Variants in ZNF26 observed in about 807,000 individuals in gnomAD.
The protein encoded by ZNF26 is zinc finger protein 26.
In ZNF26, 32 loss-of-function variants were observed where a neutral mutation model predicts 54.9. The observed-to-expected ratio is 0.58, with a 90% confidence interval of 0.44 to 0.78. The LOEUF is 0.78. ZNF26 is among the 30% of genes least tolerant of loss of function. ZNF26 has a pLI of 0.00. For synonymous variants in ZNF26, 221 were observed against 209.2 expected, an observed-to-expected ratio of 1.06 and a Z score of -0.49; for missense variants, 524 against 634.0, an observed-to-expected ratio of 0.83 and a Z score of 1.86.
chr12:133,007,156 C>T lies in ZNF26; in HGVS notation c.148C>T (p.Leu50=). 6.2e-7 allele frequency: 1 copy of T among 1,614,082 alleles called. No individual in the cohort carries two copies. The change falls in exon 2 of 4, where the codon CTG becomes TTG. Residue 50 remains leucine (L), a synonymous_variant. Coordinates refer to ENST00000328654, the MANE Select transcript of ZNF26 (RefSeq NM_019591.4). ...RDVILENYHN[L]ISVGYHGTKP... is the part of the protein sequence containing the mutation. ...TGTGATATTGGAAAACTATCATAAC[C>T]TGATATCAGTGGGTAAGTACTGCGT...
chr12:133,004,108 A>G (rs1953276200), intron 1 of ZNF26, among the ~76,000 whole-genome samples: 4 of 152,206 alleles, frequency 2.6e-5, no homozygotes, highest in Admixed American at 2.6e-4. Context: ...TGTTTCTTCT[A>G]ACATGAATGT....
At chr12:133,007,406 G>A in intron 2 of ZNF26, 31 bp from the exon 3 acceptor site, 2 of 1,579,240 alleles carry the variant, frequency 1.3e-6, no homozygotes, top group Non-Finnish European at 1.7e-6. Flanking sequence ...TAACAGCCTG[G>A]TCCCCACCCT....
Position 133,001,525 on chromosome 12 carries a change from G to A in ZNF26, c.34-5517G>A, listed in dbSNP as rs1953218577. The stretch of plus-strand genomic sequence containing the variant: ...GGGGCTTGGTTGGAGCCTCTGACAG[G>A]GCTCTGCCCTGCAGTTCCATGGTGT... On this transcript the variant is annotated intron_variant, in intron 1 of 3. Transcript: ENST00000328654. The surrounding 1 kb of genome is among the most constrained non-coding windows in gnomAD (Gnocchi z 4.7). 5.7e-6 allele frequency: 3 copies of A among 525,394 alleles called. No homozygotes were observed. Among genetic ancestry groups the A allele is most frequent in the Non-Finnish European group, 9.3e-6 (3 of 323,762 alleles). The allele number at this position is 525,394 out of a possible 1,614,324, so 32.5% of individuals were successfully genotyped here. A position where few individuals can be genotyped will look rare whatever the true frequency, so the allele number is the denominator to read the frequency against.
rs2137238902 is a variant in ZNF26, at chr12:133,001,696, G to A, written c.34-5346G>A. The A allele has an allele frequency of 4.7e-6, 6 of 1,289,150 alleles. No individual in the cohort carries two copies. The East Asian group carries it at 3.3e-4, about 72-fold the overall frequency. 79.9% of individuals were successfully genotyped at this position (1,289,150 alleles called of 1,614,324 possible). On this transcript the variant is annotated intron_variant, in intron 1 of 3. Transcript: ENST00000328654. The surrounding 1 kb of genome is among the most constrained non-coding windows in gnomAD (Gnocchi z 4.7). ...TGTCAAGTTCGGGAATCTTCTGGGT[G>A]TTCCTTGGGCCCAGGGAAACAGTGC...
rs996328268 is a variant in ZNF26 at position 133,013,129 on chromosome 12, T to G, written c.*1648T>G. ...GAAACACTGAAGAATTATAGCATTA[T>G]AAGAATTTTAAATTTATGAGAAAAT... On this transcript the variant is annotated 3_prime_UTR_variant, in exon 4 of 4. Coordinates refer to ENST00000328654, the MANE Select transcript of ZNF26 (RefSeq NM_019591.4). 1.3e-5 allele frequency: 2 copies of G among 152,218 alleles called. No homozygotes were observed. Among genetic ancestry groups the G allele is most frequent in the Non-Finnish European group, 2.9e-5 (2 of 68,036 alleles). 9.4% of individuals were successfully genotyped at this position (152,218 alleles called of 1,614,324 possible). A position where few individuals can be genotyped will look rare whatever the true frequency, so the allele number is the denominator to read the frequency against.
At chr12:132,987,656 G>A in intron 1 of ZNF26, 1 of 977,334 alleles carries the variant, frequency 1.0e-6, no homozygotes, top group Non-Finnish European at 1.2e-6. Flanking sequence ...TCCAATGCCT[G>A]TATTTCAGCC....
chr12:133,015,889 T>C lies in ZNF26; in HGVS notation c.*4408T>C, dbSNP rs1953559378. On this transcript the variant is annotated 3_prime_UTR_variant, in exon 4 of 4. Transcript: ENST00000328654. ...AAGCAGACGTTTATTTAGAAATTCA[T>C]GCTGCATGTTTATTGATGGAATGTT... 6.6e-6 allele frequency: 1 copy of C among 152,168 alleles called. No homozygotes were observed. The highest frequency in any genetic ancestry group is 1.5e-5 in the Non-Finnish European group (1 of 68,024). 9.4% of individuals were successfully genotyped at this position (152,168 alleles called of 1,614,324 possible).
rs1953714160 is a variant in ZNF26 at position 133,027,018 on chromosome 12, C to T, written c.*15537C>T. 6.6e-6 allele frequency: 1 copy of T among 151,988 alleles called. No individual in the cohort carries two copies. Among genetic ancestry groups the T allele is most frequent in the Admixed American group, 6.6e-5 (1 of 15,254 alleles). 9.4% of individuals were successfully genotyped at this position (151,988 alleles called of 1,614,324 possible). A position where few individuals can be genotyped will look rare whatever the true frequency, so the allele number is the denominator to read the frequency against. ...TTAAGAAACTCAGAATAAAATGCAA[C>T]ACCTTTTTACGATTATAAACCCCTC... On this transcript the variant is annotated 3_prime_UTR_variant, in exon 4 of 4. Coordinates refer to ENST00000328654, the MANE Select transcript of ZNF26 (RefSeq NM_019591.4).
In ZNF26 at chr12:133,017,384, G is replaced by C. The variant is rs1217522526; in HGVS notation, c.*5903G>C. The stretch of plus-strand genomic sequence containing the variant: ...GTGACAGAGCATTGGATGACCTGCT[G>C]AAGGTGGTTTGAAGTACCAGCTTAG... On this transcript the variant is annotated 3_prime_UTR_variant, in exon 4 of 4. Transcript: ENST00000328654. 1.3e-5 allele frequency: 2 copies of C among 152,200 alleles called. No homozygotes were observed. Among genetic ancestry groups the C allele is most frequent in the African/African-American group, 4.8e-5 (2 of 41,428 alleles). 9.4% of individuals were successfully genotyped at this position (152,200 alleles called of 1,614,324 possible).
chr12:132,994,421 C>A (rs1186775553), intron 1 of ZNF26, among the ~76,000 whole-genome samples: 5 of 152,156 alleles, frequency 3.3e-5, no homozygotes, highest in Non-Finnish European at 7.3e-5. Context: ...TCTTTACATG[C>A]AGAACTGGAA....
chr12:133,004,097 A>G (rs1593658759), intron 1 of ZNF26, among the ~76,000 whole-genome samples: 1 of 151,976 alleles, frequency 6.6e-6, no homozygotes, highest in Non-Finnish European at 1.5e-5. Context: ...TGTTTTCAGT[A>G]TGTTTCTTCT....
At chr12:133,009,412 T>G (rs1210453320) in intron 3 of ZNF26, among the ~76,000 whole-genome samples, 3 of 151,978 alleles carry the variant, frequency 2.0e-5, no homozygotes, top group Non-Finnish European at 2.9e-5. Flanking sequence ...GGCCAACAAG[T>G]GAAACCCCAT....
At chr12:132,994,350 T>C (rs1953027530) in intron 1 of ZNF26, among the ~76,000 whole-genome samples, 1 of 152,130 alleles carries the variant, frequency 6.6e-6, no homozygotes, top group Admixed American at 6.6e-5. Flanking sequence ...CTAAGAAGAG[T>C]TGTTGATTTT....
chr12:133,010,527 C>T lies in ZNF26; in HGVS notation c.648C>T (p.Asn216=). ...KCERAFSAKS[N]LNAHQRVHTG... ...AAAGAGCCTTCAGTGCCAAGTCAAA[C>T]CTTAATGCTCATCAGAGAGTTCATA... The change falls in exon 4 of 4, where the codon AAC becomes AAT. Residue 216 remains asparagine (N), a synonymous_variant. Coordinates refer to ENST00000328654, the MANE Select transcript of ZNF26 (RefSeq NM_019591.4). The T allele has an allele frequency of 6.2e-7, 1 of 1,614,060 alleles. No homozygotes were observed. The highest frequency in any genetic ancestry group is 1.1e-5 in the South Asian group (1 of 91,080).
In ZNF26 at chr12:133,023,284, A is replaced by G. The variant is rs1243694546; in HGVS notation, c.*11803A>G. On this transcript the variant is annotated 3_prime_UTR_variant, in exon 4 of 4. Transcript: ENST00000328654. ...AATCAACAATAAATAACAAAATTGA[A>G]TTGGAGTATCAAAAGCTTCCCTCAG... 2.0e-5 allele frequency: 3 copies of G among 152,242 alleles called. No individual in the cohort carries two copies. The highest frequency in any genetic ancestry group is 6.5e-5 in the Admixed American group (1 of 15,274). The allele number at this position is 152,242 out of a possible 1,614,324, so 9.4% of individuals were successfully genotyped here.
At chr12:132,991,626 A>G (rs1241301383) in intron 1 of ZNF26, among the ~76,000 whole-genome samples, 28 of 67,548 alleles carry the variant, frequency 4.1e-4, no homozygotes, top group African/African-American at 1.1e-3. Flanking sequence ...AACAACAACA[A>G]CAACAAAAAA....
rs1315087829 is a variant in ZNF26, at chr12:133,014,141, T to C, written c.*2660T>C. 6.6e-6 allele frequency: 1 copy of C among 152,244 alleles called. No homozygotes were observed. Among genetic ancestry groups the C allele is most frequent in the African/African-American group, 2.4e-5 (1 of 41,462 alleles). The allele number at this position is 152,244 out of a possible 1,614,324, so 9.4% of individuals were successfully genotyped here. A position where few individuals can be genotyped will look rare whatever the true frequency, so the allele number is the denominator to read the frequency against. On this transcript the variant is annotated 3_prime_UTR_variant, in exon 4 of 4. Coordinates refer to ENST00000328654, the MANE Select transcript of ZNF26 (RefSeq NM_019591.4). ...ACACTAAACATGCCCTGGGATGGGATTGCTCATTTAGGAAAATATGTAGAA... is the reference window on the plus strand; with the variant it reads ...ACACTAAACATGCCCTGGGATGGGACTGCTCATTTAGGAAAATATGTAGAA...
intron 1 of ZNF26, among the ~76,000 whole-genome samples, chr12:132,993,658 A>G (rs1371133195): frequency 1.3e-5 from 2 of 149,990 alleles, no homozygotes; most frequent in Non-Finnish European, 3.0e-5. Context: ...GTTTCACCAT[A>G]CTGGCCAGGC....
intron 1 of ZNF26, among the ~76,000 whole-genome samples, chr12:132,994,193 C>G (rs901624758): frequency 6.6e-6 from 1 of 152,218 alleles, no homozygotes; most frequent in Admixed American, 6.5e-5. Context: ...CACCTAGCCT[C>G]TAGCAATTTG....
Sources: gnomAD v4.1 joint callset for allele counts (sites outside exome capture counted in the v4.1 genomes callset) on GRCh38, gnomAD v4.1.1 for gene constraint, Gnocchi (gnomAD v3.1) non-coding constraint, MANE v1.5 for transcripts, NCBI Gene and HGNC (gene_info 2026-07-23, HGNC 2026-07-21) for gene names.